Variants in CAMSAP2 observed in about 807,000 individuals in gnomAD.
The protein encoded by CAMSAP2 is calmodulin regulated spectrin associated protein family member 2.
CAMSAP2 carries 26 observed loss-of-function variants against 146.1 expected under a neutral mutation model. That is an observed-to-expected ratio of 0.18 (90% CI 0.13 to 0.25). The LOEUF (loss-of-function observed/expected upper bound fraction) is 0.25, where lower values mean the gene tolerates loss of function less well. CAMSAP2 is among the 10% of genes least tolerant of loss of function. The pLI is 1.00. For missense variants in CAMSAP2, 1,381 were observed against 1,759.3 expected (o/e 0.78, Z 3.85); for synonymous variants, 499 against 596.6 (o/e 0.84, Z 2.38).
chr1:200,786,928 A>G (rs376212306), intron 2 of CAMSAP2, among the ~76,000 whole-genome samples: 2 of 152,176 alleles, frequency 1.3e-5, no homozygotes, highest in African/African-American at 4.8e-5. Flanking sequence ...CCTGTGCTCT[A>G]TAAGTAGAAA....
At chr1:200,741,643 T>G (rs1664179462) in intron 1 of CAMSAP2, among the ~76,000 whole-genome samples, 1 of 152,192 alleles carries the variant, frequency 6.6e-6, no homozygotes, top group African/African-American at 2.4e-5. Context: ...ATATCAAAAT[T>G]TTGCCATGCA....
chr1:200,818,327 CAT>C (rs1458192448), intron 4 of CAMSAP2, among the ~76,000 whole-genome samples: 11 of 152,066 alleles, frequency 7.2e-5, no homozygotes, highest in Non-Finnish European at 1.6e-4. Flanking sequence ...GGAATCTAGA[CAT>C]TGTTGTATTA....
In CAMSAP2 at chr1:200,856,201, T is replaced by G. The variant is rs901254937; in HGVS notation, c.4012+76T>G. On this transcript the variant is annotated intron_variant, in intron 15 of 16. Transcript: ENST00000358823. ...AATGGAGGGTGTACTAAAGAAAATT[T>G]TATTGGCTCACCTTTGGGTCTTAAA... 1.9e-5 allele frequency: 20 copies of G among 1,032,056 alleles called. No individual in the cohort carries two copies. The East Asian group carries it at 4.8e-4, about 25-fold the overall frequency. The allele number at this position is 1,032,056 out of a possible 1,614,324, so 63.9% of individuals were successfully genotyped here. A position where few individuals can be genotyped will look rare whatever the true frequency, so the allele number is the denominator to read the frequency against.
chr1:200,837,847 A>G (rs1001725714), intron 6 of CAMSAP2, among the ~76,000 whole-genome samples: 7 of 152,020 alleles, frequency 4.6e-5, no homozygotes, highest in Non-Finnish European at 7.4e-5. Context: ...TGTGAATGGG[A>G]TTGCATTCCT....
chr1:200,790,443 A>G (rs563685739), intron 2 of CAMSAP2, among the ~76,000 whole-genome samples: 1 of 152,318 alleles, frequency 6.6e-6, no homozygotes, highest in East Asian at 1.9e-4. Context: ...AAAGCTCCCT[A>G]TAACTTGATC....
At chr1:200,854,577 C>T (rs1215586890) in intron 13 of CAMSAP2, among the ~76,000 whole-genome samples, 6 of 152,016 alleles carry the variant, frequency 3.9e-5, no homozygotes, top group Admixed American at 6.6e-5. Context: ...CCTTTTGGAA[C>T]GCAAGTTAGT....
chr1:200,819,758 T>C (rs1258708516), intron 4 of CAMSAP2, among the ~76,000 whole-genome samples: 2 of 152,176 alleles, frequency 1.3e-5, no homozygotes, highest in African/African-American at 4.8e-5. Context: ...TTGGCAAAAA[T>C]AGTAAATAGT....
Position 200,848,173 on chromosome 1 carries a change from T to G in CAMSAP2, c.1404T>G (p.Ile468Met), listed in dbSNP as rs753458127. ...ACAACAGTCATGTATCTAAACACATTAGGAAAAATTTGTCCTTCAAGCCAA... is the reference window on the plus strand; with the variant it reads ...ACAACAGTCATGTATCTAAACACATGAGGAAAAATTTGTCCTTCAAGCCAA... ...TLNNSHVSKH[I>M]RKNLSFKPIN... Residue 468 changes from isoleucine (I) to methionine (M), a missense_variant, in exon 11 of 17, where the codon ATT (isoleucine) becomes ATG (methionine). Ile to Met is a conservative substitution (Grantham distance 10, BLOSUM62 1). Around this residue, in one of 4 missense-constraint regions of CAMSAP2, gnomAD observed 447 missense variants for 462.2 expected, o/e 0.97. Coordinates refer to ENST00000358823, the MANE Select transcript of CAMSAP2 (RefSeq NM_203459.4). 5.0e-6 allele frequency: 8 copies of G among 1,613,702 alleles called. No homozygotes were observed. Among genetic ancestry groups the G allele is most frequent in the Non-Finnish European group, 6.8e-6 (8 of 1,179,846 alleles).
chr1:200,747,995 A>G (rs996581371), intron 1 of CAMSAP2, among the ~76,000 whole-genome samples: 6 of 151,758 alleles, frequency 4.0e-5, no homozygotes, highest in Non-Finnish European at 8.8e-5. Flanking sequence ...TCAAAAAAAA[A>G]AAAAAAAAAA....
At chr1:200,767,592 T>TA (rs1015472490) in intron 2 of CAMSAP2, among the ~76,000 whole-genome samples, 4 of 151,618 alleles carry the variant, frequency 2.6e-5, no homozygotes, top group Non-Finnish European at 5.9e-5. Flanking sequence ...AGAGGCTTGT[T>TA]AAAAAAAATC....
chr1:200,828,681 AAAGT>A (rs1666966120), intron 4 of CAMSAP2: 35 of 1,338,178 alleles, frequency 2.6e-5, no homozygotes, highest in Non-Finnish European at 3.5e-5. Context: ...TCTTGCTGTT[AAAGT>A]CATTTCATGT....
chr1:200,841,764 A>T (rs1226486106), intron 6 of CAMSAP2, among the ~76,000 whole-genome samples: 1 of 152,234 alleles, frequency 6.6e-6, no homozygotes, highest in Non-Finnish European at 1.5e-5. Flanking sequence ...CTGCTAGATC[A>T]ATTGGACCAC....
At chr1:200,741,619 CT>C (rs1220638454) in intron 1 of CAMSAP2, among the ~76,000 whole-genome samples, 2 of 152,172 alleles carry the variant, frequency 1.3e-5, no homozygotes, top group Non-Finnish European at 2.9e-5. Context: ...TGAGAGGATA[CT>C]TATAGGATAC....
At chr1:200,850,280 T>G in intron 11 of CAMSAP2, 46 bp downstream of exon 11, 5 of 1,481,688 alleles carry the variant, frequency 3.4e-6, no homozygotes, top group Non-Finnish European at 4.5e-6. Flanking sequence ...ATTAGATGAG[T>G]GTGGTTGTGT....
At chr1:200,755,888 A>G (rs1369894189) in intron 1 of CAMSAP2, among the ~76,000 whole-genome samples, 1 of 152,146 alleles carries the variant, frequency 6.6e-6, no homozygotes, top group Admixed American at 6.5e-5. Context: ...AGTGTGTTTG[A>G]GGAGGTTACA....
chr1:200,766,400 T>G (rs560359701), intron 2 of CAMSAP2, among the ~76,000 whole-genome samples: 3 of 152,168 alleles, frequency 2.0e-5, no homozygotes, highest in Non-Finnish European at 2.9e-5. Flanking sequence ...GGATTACAGG[T>G]GTGAGCTGGG....
intron 4 of CAMSAP2, among the ~76,000 whole-genome samples, chr1:200,817,165 CGTGTGTGTATATACACACACACACAT>C (rs1666596300): frequency 5.9e-5 from 4 of 68,042 alleles, no homozygotes; most frequent in African/African-American, 2.3e-4. Context: ...CATACACACA[CGTGTGTGTATATACACACACACACAT>C]GTGTGTGTGT....
intron 4 of CAMSAP2, among the ~76,000 whole-genome samples, chr1:200,817,101 T>C (rs1485015465): frequency 6.9e-6 from 1 of 145,148 alleles, no homozygotes; most frequent in Non-Finnish European, 1.5e-5. Flanking sequence ...TATATATGTA[T>C]ACACACACGT....
chr1:200,821,234 A>G (rs1666754701), intron 4 of CAMSAP2, among the ~76,000 whole-genome samples: 1 of 150,508 alleles, frequency 6.6e-6, no homozygotes, highest in African/African-American at 2.4e-5. Context: ...CCAGGCTGGA[A>G]TGAAGTAGCG....
Sources: gnomAD v4.1 joint callset for allele counts (sites outside exome capture counted in the v4.1 genomes callset) on GRCh38, gnomAD v4.1.1 for gene constraint, gnomAD v4.1.1 regional missense constraint, MANE v1.5 for transcripts, NCBI Gene and HGNC (gene_info 2026-07-23, HGNC 2026-07-21) for gene names.